Variants in PITX3 observed in about 807,000 individuals in gnomAD.
The protein encoded by PITX3 is pituitary homeobox 3.
PITX3 carries 4 observed loss-of-function variants against 14.2 expected under a neutral mutation model. The ratio of observed to expected loss-of-function variants is 0.28; its 90% confidence interval spans 0.14 to 0.65. The LOEUF (loss-of-function observed/expected upper bound fraction) is 0.65, where lower values mean the gene tolerates loss of function less well. Among genes scored for constraint, PITX3 ranks in the 30% least tolerant of loss-of-function variants. The pLI, the probability that PITX3 is intolerant of heterozygous loss-of-function variation, is 0.82. For synonymous variants in PITX3, 194 were observed against 204.5 expected (o/e 0.95, Z 0.44); for missense variants, 358 against 426.8 (o/e 0.84, Z 1.42).
intron 1 of PITX3, among the ~76,000 whole-genome samples, chr10:102,233,271 C>T (rs1340541000): frequency 3.5e-5 from 5 of 143,826 alleles, no homozygotes; most frequent in African/African-American, 1.0e-4. Context: ...TGGTCTGTTT[C>T]GTTTACGACT....
Position 102,240,014 on chromosome 10 carries a change from A to G in PITX3, c.-13+1319T>C, listed in dbSNP as rs528541598. ...CCACCAGGGTGGTGTTGGGACTGGT[A>G]GGGCTGAGGAAGAAAAAGGGAAACA... On this transcript the variant is annotated intron_variant, in intron 1 of 3. Transcript: ENST00000370002. Among the ~76,000 whole-genome samples the G allele has an allele frequency of 1.4e-3, 212 of 152,316 alleles. 2 individuals carry two copies. Among genetic ancestry groups the G allele is most frequent in the Non-Finnish European group, 2.3e-3 (157 of 68,028 alleles).
chr10:102,236,689 T>C (rs540017105), intron 1 of PITX3, among the ~76,000 whole-genome samples: 1 of 152,328 alleles, frequency 6.6e-6, no homozygotes, highest in East Asian at 1.9e-4. Flanking sequence ...TCAGCTGTCA[T>C]GTGGACCCAC....
Position 102,231,982 on chromosome 10 carries a change from G to A in PITX3, c.99C>T (p.Cys33=). The A allele has an allele frequency of 6.2e-7, 1 of 1,610,344 alleles. No homozygotes were observed. The highest frequency in any genetic ancestry group is 8.5e-7 in the Non-Finnish European group (1 of 1,179,182). The change falls in exon 2 of 4, where the codon TGC becomes TGT. Residue 33 remains cysteine (C), a synonymous_variant. Coordinates refer to ENST00000370002, the MANE Select transcript of PITX3 (RefSeq NM_005029.4). ...TPHPQLPEHG[C]KGQEHSDSEK... ...GCTTACCGCTGTGCTCCTGGCCCTT[G>A]CAGCCGTGCTCTGGGAGCTGGGGGT...
intron 1 of PITX3, among the ~76,000 whole-genome samples, chr10:102,234,968 C>T (rs1345358064): frequency 1.3e-5 from 2 of 152,190 alleles, no homozygotes; most frequent in East Asian, 3.8e-4. Context: ...CAGAGACAGA[C>T]AGACACATGT....
At position 102,231,742 on chromosome 10, in the gene PITX3, C is replaced by G. The variant is rs780326972; in HGVS notation, c.167G>C (p.Gly56Ala). The G allele has an allele frequency of 3.7e-6, 6 of 1,609,728 alleles. No individual in the cohort carries two copies. Among genetic ancestry groups the G allele is most frequent in the Non-Finnish European group, 5.1e-6 (6 of 1,178,576 alleles). Residue 56 changes from glycine (G) to alanine (A), a missense_variant, in exon 3 of 4, where the codon GGT (glycine) becomes GCT (alanine). By Grantham distance (60) the Gly-to-Ala change is moderately conservative. This residue lies in a region of PITX3 where 72 missense variants were observed against 79.9 expected (regional missense o/e 0.90). Transcript: ENST00000370002. ...ASLPGGSPED[G>A]SLKKKQRRQR... is the part of the protein sequence containing the mutation. The stretch of plus-strand genomic sequence containing the variant: ...CCGCCGCTGCTTCTTTTTCAGCGAA[C>G]CGTCCTCTGGGGAGCCGCCGGGCAG...
chr10:102,237,826 G>A (rs1333752775), intron 1 of PITX3, among the ~76,000 whole-genome samples: 13 of 151,832 alleles, frequency 8.6e-5, no homozygotes, highest in Admixed American at 7.9e-4. Context: ...ACACCAGGAA[G>A]ATGGGCCCTG....
Position 102,230,682 on chromosome 10 carries a change from CGCGGCG to C in PITX3, c.735_740del (p.Ala249_Ala250del), listed in dbSNP as rs749538425. ...AGACGTAGGGGGAAGAGGCGGCAGC[CGCGGCG>C]GCGGCGGCGGCCGAGGCATAAGGGC... On this transcript the variant is annotated inframe_deletion, in exon 4 of 4. Coordinates refer to ENST00000370002, the MANE Select transcript of PITX3 (RefSeq NM_005029.4). 5 of 1,578,618 alleles carry C rather than the reference CGCGGCG, an allele frequency of 3.2e-6. No individual in the cohort carries two copies. Among genetic ancestry groups the C allele is most frequent in the East Asian group, 2.3e-5 (1 of 42,888 alleles).
chr10:102,240,083 T>G (rs2070492467), intron 1 of PITX3, among the ~76,000 whole-genome samples: 2 of 152,234 alleles, frequency 1.3e-5, no homozygotes, highest in African/African-American at 4.8e-5. Flanking sequence ...AGTTTTCTCT[T>G]CTGGCCTGGG....
At position 102,230,962 on chromosome 10, in the gene PITX3, C is replaced by A. The variant is rs1435395404; in HGVS notation, c.461G>T (p.Gly154Val). 6.2e-7 allele frequency: 1 copy of A among 1,607,992 alleles called. No homozygotes were observed. Among genetic ancestry groups the A allele is most frequent in the South Asian group, 1.1e-5 (1 of 90,310 alleles). ...GGCAAGAGCCTTGGGCGGCCAGTTG[C>A]CGTACGAGTAGCCGGGGTACACCTC... Reference protein sequence around the residue: ...YEEVYPGYSYGNWPPKALAPP... With the variant: ...YEEVYPGYSYVNWPPKALAPP... The change falls in exon 4 of 4, where the codon GGC becomes GTC. Residue 154 changes from glycine (G) to valine (V), a missense_variant. Gly to Val is a moderately radical substitution (Grantham distance 109). This residue lies in a region of PITX3 where 236 missense variants were observed against 250.2 expected (regional missense o/e 0.94). Coordinates refer to ENST00000370002, the MANE Select transcript of PITX3 (RefSeq NM_005029.4).
chr10:102,231,875 G>A, intron 2 of PITX3, 85 bp from the exon 3 acceptor site: 1 of 1,564,924 alleles, frequency 6.4e-7, no homozygotes, highest in South Asian at 1.1e-5. Flanking sequence ...CCACTCGCTG[G>A]CTCCCACCGG....
rs752275416 is a variant in PITX3 at position 102,231,568 on chromosome 10, C to T, written c.321+20G>A. 34 of 1,520,806 alleles carry T rather than the reference C, an allele frequency of 2.2e-5. No homozygotes were observed. Among genetic ancestry groups the T allele is most frequent in the Non-Finnish European group, 2.9e-5 (32 of 1,112,668 alleles). 94.2% of individuals were successfully genotyped at this position (1,520,806 alleles called of 1,614,324 possible). A position where few individuals can be genotyped will look rare whatever the true frequency, so the allele number is the denominator to read the frequency against. On this transcript the variant is annotated intron_variant, in intron 3 of 3. Coordinates refer to ENST00000370002, the MANE Select transcript of PITX3 (RefSeq NM_005029.4). ...GCGGAGGGCCCGCGCGGGTGCGAGT[C>T]GCGGGTCTGGAGAGCATACCCGCAC...
Position 102,238,612 on chromosome 10 carries a change from G to A in PITX3, c.-13+2721C>T, listed in dbSNP as rs556041584. ...TTTCCAAACAAAGATTCTGCAGCTT[G>A]GGCATAATAATAGCAGTGCTTCTTA... On this transcript the variant is annotated intron_variant, in intron 1 of 3. Coordinates refer to ENST00000370002, the MANE Select transcript of PITX3 (RefSeq NM_005029.4). 7.9e-5 allele frequency among the ~76,000 whole-genome samples: 12 copies of A among 152,306 alleles called. No individual in the cohort carries two copies. The South Asian group carries it at 2.5e-3, about 32-fold the overall frequency.
chr10:102,231,559 G>C, intron 3 of PITX3, 29 bp downstream of exon 3: 1 of 1,455,972 alleles, frequency 6.9e-7, no homozygotes, highest in Non-Finnish European at 9.5e-7. Context: ...GGCCCGCGCG[G>C]GTGCGAGTCG....
intron 1 of PITX3, among the ~76,000 whole-genome samples, chr10:102,239,987 A>G (rs2070490250): frequency 6.6e-6 from 1 of 152,250 alleles, no homozygotes; most frequent in African/African-American, 2.4e-5. Context: ...ACCTCCGCTC[A>G]GCCACCAGGG....
chr10:102,239,082 T>C (rs897178435), intron 1 of PITX3, among the ~76,000 whole-genome samples: 2 of 152,212 alleles, frequency 1.3e-5, no homozygotes, highest in Non-Finnish European at 2.9e-5. Flanking sequence ...TTTATTATGC[T>C]GTAGATTTCC....
chr10:102,235,177 CCA>C lies in PITX3; in HGVS notation c.-12-3087_-12-3086del, dbSNP rs200942426. On this transcript the variant is annotated intron_variant, in intron 1 of 3. Coordinates refer to ENST00000370002, the MANE Select transcript of PITX3 (RefSeq NM_005029.4). ...GCCATTATTACCCTTCCCCCACCCCCCACCCCCCCACCGCCTCCCTGGCCCCT... is the reference window on the plus strand; with the variant it reads ...GCCATTATTACCCTTCCCCCACCCCCCCCCCCCACCGCCTCCCTGGCCCCT... Among the ~76,000 whole-genome samples the C allele has an allele frequency of 6.3e-3, 718 of 114,852 alleles. 8 individuals are homozygous for C. The highest frequency in any genetic ancestry group is 7.2e-3 in the East Asian group (21 of 2,906). The allele number at this position is 114,852 out of a possible 152,430, so 75.3% of individuals were successfully genotyped here.
Position 102,231,685 on chromosome 10 carries a change from T to C in PITX3, c.224A>G (p.Gln75Arg), listed in dbSNP as rs763656146. Residue 75 changes from glutamine (Q) to arginine (R), a missense_variant, in exon 3 of 4, where the codon CAG (glutamine) becomes CGG (arginine). Transcript: ENST00000370002. Reference sequence around the variant, plus strand: ...CCTCTGGAAGGTCGCCTCTAGCTCCTGTAGCTGCTGGCTGGTGAAGTGCGT... The same window carrying C: ...CCTCTGGAAGGTCGCCTCTAGCTCCCGTAGCTGCTGGCTGGTGAAGTGCGT... ...QRTHFTSQQLQELEATFQRNR... is the reference protein window; with the variant it reads ...QRTHFTSQQLRELEATFQRNR... 4 of 1,611,958 alleles carry C rather than the reference T, an allele frequency of 2.5e-6. No individual in the cohort carries two copies. In the South Asian group the frequency reaches 3.3e-5, roughly 13 times the overall value.
rs1402810533 is a variant in PITX3 at position 102,230,950 on chromosome 10, G to C, written c.473C>G (p.Pro158Arg). The C allele has an allele frequency of 6.2e-7, 1 of 1,608,582 alleles. No homozygotes were observed. The highest frequency in any genetic ancestry group is 1.1e-5 in the South Asian group (1 of 90,414). The stretch of plus-strand genomic sequence containing the variant: ...GGCGAGCGGCGGGGCAAGAGCCTTG[G>C]GCGGCCAGTTGCCGTACGAGTAGCC... The part of the protein sequence containing the change: ...YPGYSYGNWP[P>R]KALAPPLAAK... Residue 158 changes from proline (P) to arginine (R), a missense_variant, in exon 4 of 4, where the codon CCC becomes CGC. Physicochemically the swap from Pro to Arg is moderately radical, Grantham distance 103. Transcript: ENST00000370002.
In PITX3 at chr10:102,230,803, C is replaced by T. The variant is rs2070209616; in HGVS notation, c.620G>A (p.Gly207Asp). The change falls in exon 4 of 4, where the codon GGC becomes GAC. Residue 207 changes from glycine (G) to aspartate (D), a missense_variant. By Grantham distance (94) the Gly-to-Asp change is moderately conservative. Transcript: ENST00000370002. ...SMVPSAAAAP[G>D]TVPGPGALQG... Reference sequence around the variant, plus strand: ...CAGGGCCCCAGGCCCTGGCACGGTGCCCGGGGCAGCCGCGGCGGAGGGCAC... The same window carrying T: ...CAGGGCCCCAGGCCCTGGCACGGTGTCCGGGGCAGCCGCGGCGGAGGGCAC... 2 of 1,553,300 alleles carry T rather than the reference C, an allele frequency of 1.3e-6. No homozygotes were observed. The highest frequency in any genetic ancestry group is 1.4e-5 in the African/African-American group (1 of 73,098).
Sources: gnomAD v4.1 joint callset for allele counts (sites outside exome capture counted in the v4.1 genomes callset) on GRCh38, gnomAD v4.1.1 for gene constraint, gnomAD v4.1.1 regional missense constraint, MANE v1.5 for transcripts, NCBI Gene and HGNC (gene_info 2026-07-23, HGNC 2026-07-21) for gene names.